SAMD5: variants seen among roughly 807,000 people sequenced by gnomAD.
SAMD5 encodes the protein sterile alpha motif domain-containing protein 5.
A neutral mutation model predicts 11.3 loss-of-function variants in SAMD5; 13 were observed. The observed-to-expected ratio is 1.15, with a 90% CI of 0.75 to 1.83. SAMD5 has a LOEUF of 1.83. SAMD5 is among the 40% of genes most tolerant of loss of function. The pLI, the probability that SAMD5 is intolerant of heterozygous loss-of-function variation, is 0.00. For synonymous variants in SAMD5, 129 were observed against 111.3 expected (o/e 1.16, Z -1.00); for missense variants, 255 against 239.1 (o/e 1.07, Z -0.44).
At chr6:147,597,736 T>C (rs556329658) in intron 1 of SAMD5, among the ~76,000 whole-genome samples, 1 of 152,378 alleles carries the variant, frequency 6.6e-6, no homozygotes, top group South Asian at 2.1e-4. Flanking sequence ...AACCAGTTTT[T>C]TCCTGACTCT....
At chr6:147,535,116 A>T (rs1372535612) in intron 1 of SAMD5, among the ~76,000 whole-genome samples, 1 of 152,198 alleles carries the variant, frequency 6.6e-6, no homozygotes, top group African/African-American at 2.4e-5. Flanking sequence ...ATTTTAAGGT[A>T]TAGGCTATGA....
the SAMD5 span, among the ~76,000 whole-genome samples, chr6:147,920,826 A>G: frequency 6.8e-3 from 1,031 of 152,284 alleles, 13 homozygotes; most frequent in African/African-American, 0.024. Context: ...ACAATACGAA[A>G]ACACTGTAGG....
intron 1 of SAMD5, among the ~76,000 whole-genome samples, chr6:147,646,044 A>G (rs559181907): frequency 2.4e-5 from 3 of 124,488 alleles, no homozygotes; most frequent in East Asian, 2.0e-4. Flanking sequence ...CTATCTATCT[A>G]TCTATCTATC....
intron 1 of SAMD5, among the ~76,000 whole-genome samples, chr6:147,589,471 T>C (rs1041657993): frequency 6.6e-6 from 1 of 151,792 alleles, no homozygotes; most frequent in Admixed American, 6.6e-5. Context: ...GGATTAGGAG[T>C]TGGAGTCAGA....
chr6:147,938,267 A>G, the SAMD5 span, among the ~76,000 whole-genome samples: 3 of 146,064 alleles, frequency 2.1e-5, no homozygotes, highest in Non-Finnish European at 4.5e-5. Flanking sequence ...TTTTTTGTTT[A>G]ATACTTTCAT....
At chr6:147,792,662 G>A in the SAMD5 span, among the ~76,000 whole-genome samples, 4 of 152,110 alleles carry the variant, frequency 2.6e-5, no homozygotes, top group African/African-American at 9.7e-5. Flanking sequence ...TGAAGAAATG[G>A]ATGATTCTGT....
At chr6:147,659,739 CT>C (rs1378777102) in intron 1 of SAMD5, among the ~76,000 whole-genome samples, 1 of 152,170 alleles carries the variant, frequency 6.6e-6, no homozygotes, top group African/African-American at 2.4e-5. Flanking sequence ...AAATATCTCT[CT>C]CTATATATAG....
At chr6:147,692,194 T>C (rs1199299525) in intron 1 of SAMD5, among the ~76,000 whole-genome samples, 1 of 152,206 alleles carries the variant, frequency 6.6e-6, no homozygotes, top group African/African-American at 2.4e-5. Context: ...TGAAGTTCTC[T>C]AGAGGAGAAC....
the SAMD5 span, among the ~76,000 whole-genome samples, chr6:147,851,884 C>T: frequency 6.6e-6 from 1 of 151,942 alleles, no homozygotes; most frequent in African/African-American, 2.4e-5. Flanking sequence ...TTTTTATCCC[C>T]CAAATTTAAT....
intron 1 of SAMD5, among the ~76,000 whole-genome samples, chr6:147,615,274 A>G (rs1789848860): frequency 6.6e-6 from 1 of 152,196 alleles, no homozygotes; most frequent in Non-Finnish European, 1.5e-5. Flanking sequence ...AGTCAAACAA[A>G]GCATATTAGA....
At chr6:147,598,036 A>G (rs1789558016) in intron 1 of SAMD5, among the ~76,000 whole-genome samples, 1 of 151,606 alleles carries the variant, frequency 6.6e-6, no homozygotes, top group Admixed American at 6.6e-5. Context: ...CATTACCACC[A>G]CACCACTGAT....
intron 1 of SAMD5, among the ~76,000 whole-genome samples, chr6:147,736,930 T>A (rs1327113642): frequency 2.0e-5 from 3 of 152,150 alleles, no homozygotes; most frequent in Non-Finnish European, 4.4e-5. Flanking sequence ...TCATATTAAC[T>A]ACAGAATACA....
the SAMD5 span, among the ~76,000 whole-genome samples, chr6:147,874,381 A>T: frequency 1.3e-5 from 2 of 152,130 alleles, no homozygotes; most frequent in Non-Finnish European, 2.9e-5. Context: ...AGCTGTGTTC[A>T]ATCTAAAATG....
At chr6:147,700,884 C>A (rs911574315) in intron 1 of SAMD5, among the ~76,000 whole-genome samples, 10 of 152,164 alleles carry the variant, frequency 6.6e-5, no homozygotes, top group Non-Finnish European at 1.0e-4. Flanking sequence ...CAAGTGCCAG[C>A]AGAACACAGC....
chr6:147,530,766 C>G (rs1395899370), intron 1 of SAMD5, among the ~76,000 whole-genome samples: 1 of 152,158 alleles, frequency 6.6e-6, no homozygotes, highest in Admixed American at 6.5e-5. Context: ...GGGACCAGGC[C>G]GTGGTTCCCA....
the SAMD5 span, among the ~76,000 whole-genome samples, chr6:147,947,996 C>T: frequency 6.6e-6 from 1 of 151,914 alleles, no homozygotes; most frequent in South Asian, 2.1e-4. Context: ...TCTCCTCCTC[C>T]TGTGTCACGG....
intron 1 of SAMD5, among the ~76,000 whole-genome samples, chr6:147,597,215 A>G (rs922530873): frequency 2.6e-5 from 4 of 152,174 alleles, no homozygotes; most frequent in Admixed American, 6.5e-5. Flanking sequence ...ATTAATCCAA[A>G]CAATTAAATT....
chr6:147,541,078 T>C (rs1788596527), intron 1 of SAMD5, among the ~76,000 whole-genome samples: 1 of 151,360 alleles, frequency 6.6e-6, no homozygotes, highest in African/African-American at 2.4e-5. Flanking sequence ...GCCTCCTGAG[T>C]AGCTGGGATT....
At chr6:147,509,635 G>T (rs1000247049) in intron 1 of SAMD5, among the ~76,000 whole-genome samples, 1 of 152,116 alleles carries the variant, frequency 6.6e-6, no homozygotes, top group Non-Finnish European at 1.5e-5. Flanking sequence ...CCAAAACTCC[G>T]CATCCTCTCT....
Sources: allele counts gnomAD v4.1 joint callset (sites outside exome capture counted in the v4.1 genomes callset), GRCh38; gene constraint gnomAD v4.1.1; transcripts MANE v1.5; gene names NCBI Gene and HGNC (gene_info 2026-07-23, HGNC 2026-07-21).